Variants in PRKN observed in about 807,000 individuals in gnomAD.
The protein encoded by PRKN is E3 ubiquitin-protein ligase parkin.
A neutral mutation model predicts 59.5 loss-of-function variants in PRKN; 56 were observed. The ratio of observed to expected loss-of-function variants is 0.94; its 90% CI spans 0.76 to 1.18. The LOEUF is 1.18. PRKN is among the 50% of genes most tolerant of loss of function. The pLI is 0.00. For missense variants in PRKN, 657 were observed against 596.4 expected (o/e 1.10, Z -1.06); for synonymous variants, 250 against 222.1 (o/e 1.13, Z -1.12).
At position 161,462,208 on chromosome 6, in the gene PRKN, G is replaced by C. The variant is rs1014181815; in HGVS notation, c.1084-75331C>G. Reference sequence around the variant, plus strand: ...TCTACTGTCTTCCAATATGACCAAAGTCTAGTCCATCTAGAGAGATCAGAT... The same window carrying C: ...TCTACTGTCTTCCAATATGACCAAACTCTAGTCCATCTAGAGAGATCAGAT... On this transcript the variant is annotated intron_variant, in intron 9 of 11. Coordinates refer to ENST00000366898, the MANE Select transcript of PRKN (RefSeq NM_004562.3). The surrounding 1 kb of genome is among the most constrained non-coding windows in gnomAD (Gnocchi z 4.5). Among the ~76,000 whole-genome samples, 1 of 152,174 alleles carries C rather than the reference G, an allele frequency of 6.6e-6. No individual in the cohort carries two copies. Among genetic ancestry groups the C allele is most frequent in the Non-Finnish European group, 1.5e-5 (1 of 68,032 alleles).
intron 2 of PRKN, among the ~76,000 whole-genome samples, chr6:162,428,879 G>T (rs1014377587): frequency 6.6e-6 from 1 of 151,972 alleles, no homozygotes; most frequent in Admixed American, 6.6e-5. Context: ...TAGGTCCTTT[G>T]CTCCCTCTCT....
At chr6:162,401,777 TTTGTAAA>T (rs1787804862) in intron 2 of PRKN, among the ~76,000 whole-genome samples, 1 of 152,156 alleles carries the variant, frequency 6.6e-6, no homozygotes, top group Non-Finnish European at 1.5e-5. Flanking sequence ...TGCACAATTC[TTTGTAAA>T]TTTATTAACT....
chr6:162,178,045 C>T lies in PRKN; in HGVS notation c.534+23086G>A, dbSNP rs76235723. On this transcript the variant is annotated intron_variant, in intron 4 of 11. Coordinates refer to ENST00000366898, the MANE Select transcript of PRKN (RefSeq NM_004562.3). ...GATTCTATTTGGAGATCATATTTTC[C>T]CCTGTAGGCTAAGGAGGCATTCTCT... Among the ~76,000 whole-genome samples, 1,477 of 152,234 alleles carry T rather than the reference C, an allele frequency of 9.7e-3. 25 individuals are homozygous for T. The highest frequency in any genetic ancestry group is 0.033 in the African/African-American group (1,365 of 41,532).
intron 7 of PRKN, among the ~76,000 whole-genome samples, chr6:161,632,609 CTG>C (rs931757693): frequency 7.2e-5 from 11 of 152,122 alleles, no homozygotes; most frequent in African/African-American, 2.7e-4. Flanking sequence ...CCATTGGAAA[CTG>C]TATTAGTCCA....
chr6:161,648,427 G>A (rs1424287271), intron 7 of PRKN, among the ~76,000 whole-genome samples: 1 of 152,130 alleles, frequency 6.6e-6, no homozygotes, highest in African/African-American at 2.4e-5. Context: ...GAAACAGTAG[G>A]GAGGAGAACA....
At chr6:161,758,795 G>A (rs1202178641) in intron 7 of PRKN, among the ~76,000 whole-genome samples, 2 of 152,170 alleles carry the variant, frequency 1.3e-5, no homozygotes, top group East Asian at 3.9e-4. Flanking sequence ...GAAGAGACTT[G>A]AAATTCAGTC....
intron 3 of PRKN, among the ~76,000 whole-genome samples, chr6:162,223,612 G>GACAC (rs34881644): frequency 0.02 from 2,630 of 129,258 alleles, 34 homozygotes; most frequent in Admixed American, 0.022. Context: ...ATAGACACGT[G>GACAC]ACACACACAC....
intron 6 of PRKN, among the ~76,000 whole-genome samples, chr6:161,896,613 A>G (rs1204116268): frequency 6.6e-6 from 1 of 152,202 alleles, no homozygotes; most frequent in Non-Finnish European, 1.5e-5. Context: ...CACGGCATGT[A>G]AGAACTAATG....
chr6:161,368,982 G>A (rs1233887360), intron 10 of PRKN, among the ~76,000 whole-genome samples: 1 of 152,126 alleles, frequency 6.6e-6, no homozygotes, highest in African/African-American at 2.4e-5. Flanking sequence ...CGGGGAGGGA[G>A]GGGAGTCCCA....
intron 2 of PRKN, among the ~76,000 whole-genome samples, chr6:162,309,997 A>G (rs1335225110): frequency 1.3e-5 from 2 of 152,178 alleles, no homozygotes; most frequent in Non-Finnish European, 2.9e-5. Flanking sequence ...TTTGCTAAGG[A>G]TAATGGCTTC....
At chr6:162,550,753 C>A (rs562857088) in intron 1 of PRKN, among the ~76,000 whole-genome samples, 56 of 152,192 alleles carry the variant, frequency 3.7e-4, no homozygotes, top group Non-Finnish European at 6.6e-4. Flanking sequence ...TAAGTTCTTA[C>A]AAAGATGTAG....
intron 3 of PRKN, among the ~76,000 whole-genome samples, chr6:162,232,871 AT>A (rs1260790529): frequency 6.6e-6 from 1 of 152,162 alleles, no homozygotes; most frequent in Non-Finnish European, 1.5e-5. Context: ...ATTAATACAG[AT>A]TGGAGAATTT....
chr6:162,338,634 T>G (rs1485891701), intron 2 of PRKN, among the ~76,000 whole-genome samples: 2 of 151,998 alleles, frequency 1.3e-5, no homozygotes, highest in African/African-American at 2.4e-5. Context: ...TGCCTTGGCC[T>G]CCCAAAGTGC....
intron 1 of PRKN, among the ~76,000 whole-genome samples, chr6:162,561,163 G>C (rs1041603287): frequency 6.6e-6 from 1 of 152,160 alleles, no homozygotes; most frequent in Non-Finnish European, 1.5e-5. Context: ...TGAAGATAAA[G>C]CTGAGGTCTC....
chr6:162,055,136 T>G (rs769877859), intron 4 of PRKN, among the ~76,000 whole-genome samples: 1 of 152,118 alleles, frequency 6.6e-6, no homozygotes, highest in Non-Finnish European at 1.5e-5. Context: ...CACTCCAGTC[T>G]GGGTGACATA....
At chr6:161,732,533 C>G (rs1286315241) in intron 7 of PRKN, among the ~76,000 whole-genome samples, 1 of 151,336 alleles carries the variant, frequency 6.6e-6, no homozygotes, top group South Asian at 2.1e-4. Context: ...TTTCCGAAAG[C>G]CTTTAAAACT....
chr6:162,666,873 T>C (rs2128229378), intron 1 of PRKN, among the ~76,000 whole-genome samples: 1 of 152,166 alleles, frequency 6.6e-6, no homozygotes, highest in East Asian at 1.9e-4. Flanking sequence ...GACAAGCAAA[T>C]TGACTAATTC....
rs116771699 is a variant in PRKN, at chr6:161,671,994, T to A, written c.872-102578A>T. ...GTGAAATCTCATGAACTCGATAGAGTTCACTCTTGCTTGGAGCGGTCCACA... is the reference window on the plus strand; with the variant it reads ...GTGAAATCTCATGAACTCGATAGAGATCACTCTTGCTTGGAGCGGTCCACA... On this transcript the variant is annotated intron_variant, in intron 7 of 11. Transcript: ENST00000366898. 5.1e-3 allele frequency among the ~76,000 whole-genome samples: 776 copies of A among 152,140 alleles called. 6 individuals carry two copies. Among genetic ancestry groups the A allele is most frequent in the African/African-American group, 0.018 (740 of 41,512 alleles).
At chr6:162,332,402 G>A (rs927428745) in intron 2 of PRKN, among the ~76,000 whole-genome samples, 2 of 152,142 alleles carry the variant, frequency 1.3e-5, no homozygotes, top group African/African-American at 2.4e-5. Flanking sequence ...GAGCCCTGTA[G>A]GCATCCAGGT....
Sources: allele counts gnomAD v4.1 joint callset (sites outside exome capture counted in the v4.1 genomes callset), GRCh38; gene constraint gnomAD v4.1.1; non-coding constraint Gnocchi (gnomAD v3.1); transcripts MANE v1.5; gene names NCBI Gene and HGNC (gene_info 2026-07-23, HGNC 2026-07-21).